SPHKAP: variants seen among roughly 807,000 people sequenced by gnomAD.
SPHKAP encodes the protein A-kinase anchor protein SPHKAP.
A neutral mutation model predicts 137.5 loss-of-function variants in SPHKAP; 67 were observed. The observed-to-expected ratio is 0.49, with a 90% CI of 0.40 to 0.60. SPHKAP has a LOEUF of 0.60. Among genes scored for constraint, SPHKAP ranks in the 20% least tolerant of loss-of-function variants. SPHKAP has a pLI of 0.00. For missense variants in SPHKAP, 2,097 were observed against 2,069.3 expected (o/e 1.01, Z -0.26); for synonymous variants, 813 against 785.3 (o/e 1.04, Z -0.59).
chr2:228,161,996 A>C (rs1700289154), intron 1 of SPHKAP, among the ~76,000 whole-genome samples: 1 of 152,240 alleles, frequency 6.6e-6, no homozygotes, highest in African/African-American at 2.4e-5. Context: ...ACAATTTATT[A>C]ACAAAATAAT....
chr2:228,125,270 A>G (rs1260170899), intron 2 of SPHKAP, among the ~76,000 whole-genome samples: 1 of 152,220 alleles, frequency 6.6e-6, no homozygotes, highest in African/African-American at 2.4e-5. Flanking sequence ...TTGTGGAAAT[A>G]TGACATTGAA....
At chr2:227,999,098 T>C (rs1693747832) in intron 7 of SPHKAP, among the ~76,000 whole-genome samples, 1 of 152,210 alleles carries the variant, frequency 6.6e-6, no homozygotes, top group Non-Finnish European at 1.5e-5. Context: ...TGCATAACTT[T>C]TTGAGTGTGA....
intron 1 of SPHKAP, among the ~76,000 whole-genome samples, chr2:228,157,051 C>T (rs1282593417): frequency 2.0e-5 from 3 of 152,068 alleles, no homozygotes; most frequent in Non-Finnish European, 4.4e-5. Context: ...ACAAACATCC[C>T]TACCTTCGTG....
intron 1 of SPHKAP, among the ~76,000 whole-genome samples, chr2:228,146,304 C>T (rs1699774858): frequency 6.6e-6 from 1 of 152,106 alleles, no homozygotes; most frequent in Non-Finnish European, 1.5e-5. Flanking sequence ...CACTTTTGGC[C>T]TTGTGTATTC....
intron 3 of SPHKAP, among the ~76,000 whole-genome samples, chr2:228,028,349 C>T (rs1320925363): frequency 1.3e-5 from 2 of 152,114 alleles, no homozygotes; most frequent in East Asian, 1.9e-4. Context: ...GTTCATTTTA[C>T]TTTATTTAAC....
At chr2:228,117,845 T>C (rs1198973827) in intron 2 of SPHKAP, among the ~76,000 whole-genome samples, 11 of 150,906 alleles carry the variant, frequency 7.3e-5, no homozygotes, top group Non-Finnish European at 1.5e-4. Flanking sequence ...TTTTTTTTTT[T>C]CTGTAGAAGG....
chr2:228,171,936 T>G (rs978628879), intron 1 of SPHKAP, among the ~76,000 whole-genome samples: 2 of 152,158 alleles, frequency 1.3e-5, no homozygotes, highest in African/African-American at 4.8e-5. Flanking sequence ...AACATGAGAT[T>G]TAGCATCTAA....
chr2:228,159,505 C>T (rs1700211638), intron 1 of SPHKAP, among the ~76,000 whole-genome samples: 1 of 152,140 alleles, frequency 6.6e-6, no homozygotes, highest in African/African-American at 2.4e-5. Context: ...GATGCTATCT[C>T]CCTGCATGTT....
At chr2:228,166,832 T>C (rs1004708027) in intron 1 of SPHKAP, among the ~76,000 whole-genome samples, 3 of 152,290 alleles carry the variant, frequency 2.0e-5, no homozygotes, top group Middle Eastern at 3.4e-3. Flanking sequence ...TGGCTCACAG[T>C]TCTGCGGGAT....
Position 227,995,568 on chromosome 2 carries a change from AT to A in SPHKAP, c.4574del (p.Asn1525MetfsTer20), listed in dbSNP as rs1252246301. The A allele has an allele frequency of 1.2e-6, 2 of 1,613,936 alleles. No homozygotes were observed. Among genetic ancestry groups the A allele is most frequent in the Admixed American group, 3.3e-5 (2 of 59,978 alleles). ...ESTGSWTQLANEEDNPDDTSS... is the reference protein window; with the variant it reads ...ESTGSWTQLAXEEDNPDDTSS... ...TTGTGTCATCTGGGTTGTCTTCCTC[AT>A]TGGCAAGCTGGGTCCAGCTGCCTGT... On this transcript the variant is annotated frameshift_variant, in exon 8 of 12. Coordinates refer to ENST00000392056, the MANE Select transcript of SPHKAP (RefSeq NM_001142644.2). LOFTEE classifies it high-confidence loss of function.
intron 2 of SPHKAP, chr2:228,131,208 T>C: frequency 2.7e-6 from 2 of 739,452 alleles, no homozygotes; most frequent in South Asian, 6.1e-5. Context: ...ACAGCATTTG[T>C]GTTAATTTAC....
At chr2:228,073,917 A>T (rs762871019) in intron 3 of SPHKAP, among the ~76,000 whole-genome samples, 5 of 152,350 alleles carry the variant, frequency 3.3e-5, no homozygotes, top group Non-Finnish European at 5.9e-5. Flanking sequence ...TCACAGTGTC[A>T]TGGGGAGGAC....
chr2:228,103,444 G>A (rs1450901921), intron 3 of SPHKAP, among the ~76,000 whole-genome samples: 1 of 152,136 alleles, frequency 6.6e-6, no homozygotes, highest in East Asian at 1.9e-4. Context: ...CCACGTAAGG[G>A]GGATGGACAC....
Position 227,998,001 on chromosome 2 carries a change from T to TTTTG in SPHKAP, c.4449-2311_4449-2308dup, listed in dbSNP as rs369418169. Among the ~76,000 whole-genome samples the TTTTG allele has an allele frequency of 5.3e-5, 8 of 152,198 alleles. No individual in the cohort carries two copies. The South Asian group carries it at 6.2e-4, about 12-fold the overall frequency. On this transcript the variant is annotated intron_variant, in intron 7 of 11. Transcript: ENST00000392056. ...TGGCACTACTTGCAAGCTGGTAGTTTTTTGTTTGTTTGTTTGTTTGTTTGA... is the reference window on the plus strand; with the variant it reads ...TGGCACTACTTGCAAGCTGGTAGTTTTTTGTTTGTTTGTTTGTTTGTTTGTTTGA...
chr2:228,162,721 G>A (rs61383612), intron 1 of SPHKAP, among the ~76,000 whole-genome samples: 19,465 of 151,898 alleles, frequency 0.13, 1,270 homozygotes, highest in East Asian at 0.2. Flanking sequence ...TTTTTTAGAC[G>A]GAGTTTTACT....
chr2:228,026,812 A>T (rs574835088), intron 4 of SPHKAP, among the ~76,000 whole-genome samples: 1 of 152,382 alleles, frequency 6.6e-6, no homozygotes, highest in Middle Eastern at 3.4e-3. Context: ...AATAACTGTC[A>T]GTAACCGAGT....
chr2:228,021,242 T>C (rs1247197617), intron 6 of SPHKAP, among the ~76,000 whole-genome samples: 2 of 152,200 alleles, frequency 1.3e-5, no homozygotes, highest in Admixed American at 6.5e-5. Flanking sequence ...GGCATGATCG[T>C]ACTCCCAAAT....
rs535213087 is a variant in SPHKAP at position 228,102,775 on chromosome 2, C to T, written c.246+6057G>A. Among the ~76,000 whole-genome samples the T allele has an allele frequency of 3.3e-5, 5 of 152,238 alleles. No homozygotes were observed. The South Asian group carries it at 1.0e-3, about 32-fold the overall frequency. On this transcript the variant is annotated intron_variant, in intron 3 of 11. Coordinates refer to ENST00000392056, the MANE Select transcript of SPHKAP (RefSeq NM_001142644.2). ...TTGTTTGTTTTGAAACAGGGTCTCA[C>T]TCTGTCACCCCGGCTGGAGTGCAAT... is the stretch of plus-strand genomic sequence containing the variant.
At chr2:228,083,435 C>T (rs143572333) in intron 3 of SPHKAP, among the ~76,000 whole-genome samples, 2 of 152,222 alleles carry the variant, frequency 1.3e-5, no homozygotes, top group South Asian at 2.1e-4. Context: ...CTCTGATGAC[C>T]GGTGTTGATA....
Sources: allele counts gnomAD v4.1 joint callset (sites outside exome capture counted in the v4.1 genomes callset), GRCh38; gene constraint gnomAD v4.1.1; transcripts MANE v1.5; gene names NCBI Gene and HGNC (gene_info 2026-07-23, HGNC 2026-07-21).